PACRG: variants seen among roughly 807,000 people sequenced by gnomAD.
PACRG encodes the protein parkin coregulated.
In PACRG, 29 loss-of-function variants were observed where a neutral mutation model predicts 29.7. The ratio of observed to expected loss-of-function variants is 0.98; its 90% CI spans 0.73 to 1.33. The LOEUF (loss-of-function observed/expected upper bound fraction) is 1.33. Among genes scored for constraint, PACRG ranks in the 40% most tolerant of loss-of-function variants. The probability of loss-of-function intolerance (pLI) is 0.00; values close to 1 mark genes in which losing one functional copy is unlikely to be tolerated. For missense variants in PACRG, 279 were observed against 316.2 expected, an observed-to-expected ratio of 0.88 and a Z score of 0.89; for synonymous variants, 116 against 118.7, an observed-to-expected ratio of 0.98 and a Z score of 0.15.
chr6:162,778,952 G>A (rs190971830), intron 1 of PACRG, among the ~76,000 whole-genome samples: 1 of 152,266 alleles, frequency 6.6e-6, no homozygotes, highest in East Asian at 1.9e-4. Context: ...GTGCCATGGC[G>A]GTTTGCTGCA....
chr6:162,949,748 T>A (rs968246485), intron 2 of PACRG, among the ~76,000 whole-genome samples: 1 of 152,222 alleles, frequency 6.6e-6, no homozygotes, highest in Non-Finnish European at 1.5e-5. Context: ...GGCTGTGATT[T>A]AAGTTTTGTG....
chr6:162,820,018 G>T (rs1265660172), intron 2 of PACRG, among the ~76,000 whole-genome samples: 1 of 152,126 alleles, frequency 6.6e-6, no homozygotes, highest in East Asian at 1.9e-4. Context: ...TGAGGGGGTT[G>T]AACTTTTACC....
chr6:162,828,602 G>A (rs959041780), intron 2 of PACRG, among the ~76,000 whole-genome samples: 2 of 152,168 alleles, frequency 1.3e-5, no homozygotes, highest in African/African-American at 4.8e-5. Flanking sequence ...CTGATAAATG[G>A]TAATAGTATG....
chr6:162,938,179 A>G (rs1479605967), intron 2 of PACRG, among the ~76,000 whole-genome samples: 11 of 152,174 alleles, frequency 7.2e-5, no homozygotes, highest in African/African-American at 2.2e-4. Context: ...GTTACTTCAC[A>G]TAGAATAATA....
chr6:163,302,163 G>A (rs1254623286), intron 4 of PACRG, among the ~76,000 whole-genome samples: 3 of 152,046 alleles, frequency 2.0e-5, no homozygotes, highest in Non-Finnish European at 4.4e-5. Flanking sequence ...ACCCAATTTT[G>A]CTGCTGTGGC....
At chr6:162,759,879 A>T (rs554749811) in intron 1 of PACRG, among the ~76,000 whole-genome samples, 1 of 152,310 alleles carries the variant, frequency 6.6e-6, no homozygotes, top group East Asian at 1.9e-4. Flanking sequence ...AATATTTATG[A>T]TTGTGCCTTA....
At chr6:162,947,607 T>A (rs1438757436) in intron 2 of PACRG, among the ~76,000 whole-genome samples, 8 of 58,310 alleles carry the variant, frequency 1.4e-4, no homozygotes, top group Admixed American at 5.1e-4. Flanking sequence ...TATATATATA[T>A]AATCATATAT....
intron 4 of PACRG, among the ~76,000 whole-genome samples, chr6:163,125,733 G>A (rs1291477627): frequency 6.6e-6 from 1 of 152,152 alleles, no homozygotes; most frequent in African/African-American, 2.4e-5. Context: ...AGGCAAATAA[G>A]CATGATGTTT....
chr6:162,947,342 A>ATATAT (rs1388762226), intron 2 of PACRG, among the ~76,000 whole-genome samples: 40 of 13,366 alleles, frequency 3.0e-3, no homozygotes, highest in African/African-American at 4.3e-3. Flanking sequence ...TCATATATAT[A>ATATAT]ATGATTACAT....
chr6:163,300,328 G>A (rs371298137), intron 4 of PACRG, among the ~76,000 whole-genome samples: 1 of 152,240 alleles, frequency 6.6e-6, no homozygotes, highest in Non-Finnish European at 1.5e-5. Context: ...ATCCCAAAGG[G>A]CCTAGGACCA....
At chr6:163,181,090 A>G (rs1268310240) in intron 4 of PACRG, among the ~76,000 whole-genome samples, 1 of 152,160 alleles carries the variant, frequency 6.6e-6, no homozygotes, top group Non-Finnish European at 1.5e-5. Flanking sequence ...TAAACCATCT[A>G]TTCAGCTGTG....
intron 2 of PACRG, among the ~76,000 whole-genome samples, chr6:162,893,099 G>A (rs528675385): frequency 5.3e-5 from 8 of 151,550 alleles, no homozygotes; most frequent in Non-Finnish European, 8.8e-5. Flanking sequence ...AGCGGGGTGA[G>A]GGCTATGAAT....
chr6:163,195,689 C>T (rs1354677739), intron 4 of PACRG, among the ~76,000 whole-genome samples: 1 of 152,210 alleles, frequency 6.6e-6, no homozygotes, highest in African/African-American at 2.4e-5. Context: ...CCCGACCCCC[C>T]TCTCAGCCTC....
At chr6:162,816,083 A>G (rs1278478486) in intron 2 of PACRG, among the ~76,000 whole-genome samples, 1 of 152,156 alleles carries the variant, frequency 6.6e-6, no homozygotes, top group Admixed American at 6.5e-5. Context: ...TTTATCTTTG[A>G]TAATCCAACA....
At chr6:162,868,899 A>G (rs1269362794) in intron 2 of PACRG, among the ~76,000 whole-genome samples, 1 of 152,142 alleles carries the variant, frequency 6.6e-6, no homozygotes, top group African/African-American at 2.4e-5. Context: ...TAGGAGGACT[A>G]CGTTAACCTG....
At chr6:162,788,876 A>G (rs1784720632) in intron 1 of PACRG, among the ~76,000 whole-genome samples, 1 of 152,108 alleles carries the variant, frequency 6.6e-6, no homozygotes, top group Admixed American at 6.5e-5. Flanking sequence ...TTGAGTTTGA[A>G]GAGTTGTTTT....
At chr6:163,033,358 T>C (rs1057090644) in intron 2 of PACRG, among the ~76,000 whole-genome samples, 5 of 152,212 alleles carry the variant, frequency 3.3e-5, no homozygotes, top group African/African-American at 1.2e-4. Flanking sequence ...TAGAATCTAA[T>C]GCTCCAAAAT....
At chr6:162,727,728 G>C (rs1490894997), upstream of PACRG, 47 of 1,534,042 alleles carry the variant, frequency 3.1e-5, no homozygotes, top group Non-Finnish European at 4.1e-5. Context: ...AGCGGCGCCA[G>C]CCGCGCCTCC....
At chr6:163,208,143 C>T (rs1233860121) in intron 4 of PACRG, among the ~76,000 whole-genome samples, 1 of 152,160 alleles carries the variant, frequency 6.6e-6, no homozygotes, top group Non-Finnish European at 1.5e-5. Context: ...TTGGTGTTAT[C>T]CTGTTAGTAA....
Sources: gnomAD v4.1 joint callset for allele counts (sites outside exome capture counted in the v4.1 genomes callset) on GRCh38, gnomAD v4.1.1 for gene constraint, MANE v1.5 for transcripts, NCBI Gene and HGNC (gene_info 2026-07-23, HGNC 2026-07-21) for gene names.